ADAMTS14: variants seen among roughly 807,000 people sequenced by gnomAD.
ADAMTS14 encodes the protein ADAM metallopeptidase with thrombospondin type 1 motif 14.
Under a neutral mutation model 128.6 loss-of-function variants are expected in ADAMTS14, and 100 were observed. The ratio of observed to expected loss-of-function variants is 0.78; its 90% CI spans 0.66 to 0.92. ADAMTS14 has a LOEUF of 0.92. Ranked by LOEUF, ADAMTS14 falls within the 40% of genes least tolerant of loss-of-function variation. The pLI, the probability that ADAMTS14 is intolerant of heterozygous loss-of-function variation, is 0.00. For missense variants in ADAMTS14, 1,562 were observed against 1,658.6 expected (o/e 0.94, Z 1.01); for synonymous variants, 665 against 653.8 (o/e 1.02, Z -0.26).
intron 4 of ADAMTS14, among the ~76,000 whole-genome samples, chr10:70,714,968 A>G (rs4271315): frequency 0.55 from 72,026 of 132,026 alleles, 21,050 homozygotes; most frequent in East Asian, 0.78. Flanking sequence ...AAAAAAAAAA[A>G]AAAAGAAACA....
chr10:70,688,674 C>T (rs1840070339), intron 2 of ADAMTS14, among the ~76,000 whole-genome samples: 4 of 114,348 alleles, frequency 3.5e-5, no homozygotes, highest in Non-Finnish European at 5.9e-5. Flanking sequence ...GAGACTGGCC[C>T]GGCCAACACA....
At chr10:70,681,571 G>C (rs1414897746) in intron 2 of ADAMTS14, among the ~76,000 whole-genome samples, 8 of 152,338 alleles carry the variant, frequency 5.3e-5, no homozygotes, top group Non-Finnish European at 1.0e-4. Context: ...CTCGATGCTG[G>C]TGCACAGCAG....
chr10:70,690,299 G>T (rs1158842802), intron 2 of ADAMTS14, among the ~76,000 whole-genome samples: 1 of 144,338 alleles, frequency 6.9e-6, no homozygotes, highest in Non-Finnish European at 1.6e-5. Flanking sequence ...AGTGGTGCTG[G>T]TCCCTGGGCA....
chr10:70,675,324 C>G (rs1839612745), intron 2 of ADAMTS14, among the ~76,000 whole-genome samples: 2 of 152,162 alleles, frequency 1.3e-5, no homozygotes. Flanking sequence ...GATGAGTTAA[C>G]CTCTCTGTGG....
At chr10:70,692,324 G>T (rs1422681813) in intron 2 of ADAMTS14, among the ~76,000 whole-genome samples, 2 of 152,150 alleles carry the variant, frequency 1.3e-5, no homozygotes, top group African/African-American at 4.8e-5. Context: ...CTCCAGGAGG[G>T]CCATTTCCCA....
chr10:70,732,840 G>T (rs1841691113), intron 7 of ADAMTS14, among the ~76,000 whole-genome samples: 1 of 152,220 alleles, frequency 6.6e-6, no homozygotes, highest in Non-Finnish European at 1.5e-5. Context: ...TAGGCGGTAG[G>T]CCAGGCAGAG....
chr10:70,727,620 G>A (rs113682882), intron 4 of ADAMTS14, among the ~76,000 whole-genome samples: 20,917 of 147,520 alleles, frequency 0.14, 1,826 homozygotes, highest in East Asian at 0.26. Context: ...CCACACTGCT[G>A]GCATCACATC....
chr10:70,733,369 C>T (rs1191439529), intron 7 of ADAMTS14, among the ~76,000 whole-genome samples: 3 of 152,184 alleles, frequency 2.0e-5, no homozygotes, highest in Non-Finnish European at 2.9e-5. Context: ...AGCTCTGTGC[C>T]CAGCCTTGCA....
Position 70,733,785 on chromosome 10 carries a change from G to A in ADAMTS14, c.1209-100G>A, listed in dbSNP as rs1841728103. 3 of 1,439,076 alleles carry A rather than the reference G, an allele frequency of 2.1e-6. No homozygotes were observed. In the African/African-American group the frequency reaches 4.3e-5, roughly 21 times the overall value. The allele number at this position is 1,439,076 out of a possible 1,614,324, so 89.1% of individuals were successfully genotyped here. ...GCCAGGAAGAGCGATCTGAGCTCCG[G>A]GTCAGGTCAGGGTCTCCTGCTGCTG... On this transcript the variant is annotated intron_variant, in intron 7 of 21. Transcript: ENST00000373207.
At chr10:70,733,827 G>A in intron 7 of ADAMTS14, 58 bp from the exon 8 acceptor site, 1 of 1,560,434 alleles carries the variant, frequency 6.4e-7, no homozygotes, top group Non-Finnish European at 8.7e-7. Flanking sequence ...CTGCCTGCCT[G>A]CCTTCCCGGG....
rs768795403 is a variant in ADAMTS14 at position 70,674,945 on chromosome 10, G to T, written c.472G>T (p.Val158Phe). Reference protein sequence around the residue: ...LRQECVYTGGVTGMPGAAVAI... With the variant: ...LRQECVYTGGFTGMPGAAVAI... ...GCAGGAGTGTGTGTACACTGGAGGTGTCACTGGAATGCCTGGGGCAGCTGT... is the reference window on the plus strand; with the variant it reads ...GCAGGAGTGTGTGTACACTGGAGGTTTCACTGGAATGCCTGGGGCAGCTGT... Residue 158 changes from valine to phenylalanine, a missense_variant, in exon 2 of 22, where the codon GTC becomes TTC. Transcript: ENST00000373207. The T allele has an allele frequency of 1.9e-6, 3 of 1,613,248 alleles. No homozygotes were observed. The highest frequency in any genetic ancestry group is 2.5e-6 in the Non-Finnish European group (3 of 1,180,038).
intron 4 of ADAMTS14, among the ~76,000 whole-genome samples, chr10:70,721,113 C>T (rs1353806997): frequency 6.7e-6 from 1 of 148,818 alleles, no homozygotes; most frequent in Non-Finnish European, 1.5e-5. Context: ...CAACCTCCAC[C>T]TCCCGGGTTC....
At chr10:70,697,177 G>C (rs1840354775) in intron 2 of ADAMTS14, among the ~76,000 whole-genome samples, 1 of 152,244 alleles carries the variant, frequency 6.6e-6, no homozygotes, top group East Asian at 1.9e-4. Context: ...GGAAGCCCCA[G>C]ATAGGCCAGC....
chr10:70,728,373 T>C (rs1841511348), intron 4 of ADAMTS14, among the ~76,000 whole-genome samples: 1 of 152,266 alleles, frequency 6.6e-6, no homozygotes, highest in Non-Finnish European at 1.5e-5. Context: ...TGATTTCATT[T>C]TCTTTTTTTG....
chr10:70,696,969 C>G (rs547617244), intron 2 of ADAMTS14, among the ~76,000 whole-genome samples: 1 of 152,274 alleles, frequency 6.6e-6, no homozygotes, highest in East Asian at 1.9e-4. Flanking sequence ...CTTTTGTTTC[C>G]TACAGTGGAA....
intron 2 of ADAMTS14, among the ~76,000 whole-genome samples, chr10:70,700,081 C>T (rs1209755569): frequency 6.6e-6 from 1 of 152,070 alleles, no homozygotes; most frequent in Admixed American, 6.5e-5. Context: ...ATCACAGGCC[C>T]TCACGGCAAC....
Position 70,760,652 on chromosome 10 carries a change from A to T in ADAMTS14, c.3471A>T (p.Thr1157=). 2 of 1,614,094 alleles carry T rather than the reference A, an allele frequency of 1.2e-6. No individual in the cohort carries two copies. Among genetic ancestry groups the T allele is most frequent in the Non-Finnish European group, 1.7e-6 (2 of 1,180,006 alleles). Residue 1157 remains threonine (T), a synonymous_variant, in exon 22 of 22, where the codon ACA becomes ACT. Transcript: ENST00000373207. ...RATQLPGALD[T]SSPGTQHPFA... ...CACAGCTCCCAGGAGCTCTGGATAC[A>T]AGCTCCCCAGGGACCCAGCATCCCT... is the stretch of plus-strand genomic sequence containing the variant.
chr10:70,684,802 CCTGT>C (rs1311348869), intron 2 of ADAMTS14, among the ~76,000 whole-genome samples: 1 of 152,196 alleles, frequency 6.6e-6, no homozygotes, highest in Non-Finnish European at 1.5e-5. Context: ...GAGGCCCCCT[CCTGT>C]CTGGGCCGCT....
intron 19 of ADAMTS14, 97 bp downstream of exon 19, chr10:70,754,104 T>C: frequency 1.7e-6 from 2 of 1,155,722 alleles, no homozygotes; most frequent in Non-Finnish European, 2.4e-6. Context: ...TCTGCCTGAA[T>C]GGCTCCCCCT....
Sources: allele counts gnomAD v4.1 joint callset (sites outside exome capture counted in the v4.1 genomes callset), GRCh38; gene constraint gnomAD v4.1.1; transcripts MANE v1.5; gene names NCBI Gene and HGNC (gene_info 2026-07-23, HGNC 2026-07-21).